The following CERK variants were observed in gnomAD, a reference collection of about 807,000 sequenced individuals.
CERK encodes the protein ceramide kinase, also known as acylsphingosine kinase.
A neutral mutation model predicts 63.4 loss-of-function variants in CERK; 39 were observed. The observed-to-expected ratio is 0.61, with a 90% CI of 0.48 to 0.80. CERK has a LOEUF of 0.80. Among genes scored for constraint, CERK ranks in the 30% least tolerant of loss-of-function variants. The probability of loss-of-function intolerance (pLI) is 0.00; values close to 1 mark genes in which losing one functional copy is unlikely to be tolerated. For missense variants in CERK, 670 were observed against 714.1 expected (o/e 0.94, Z 0.70); for synonymous variants, 302 against 280.0 (o/e 1.08, Z -0.78).
chr22:46,703,296 G>A (rs1452152497), intron 6 of CERK, among the ~76,000 whole-genome samples: 3 of 152,060 alleles, frequency 2.0e-5, no homozygotes, highest in South Asian at 2.1e-4. Context: ...AGCCATCCAC[G>A]GGAGGCAGCT....
chr22:46,713,862 T>C lies in CERK; in HGVS notation c.380-1569A>G, dbSNP rs193262358. ...AACTTAGGATTTTGGCCAGGCATAG[T>C]GGCTGACACCTGTAATCCCAACACT... On this transcript the variant is annotated intron_variant, in intron 3 of 12. Transcript: ENST00000216264. Among the ~76,000 whole-genome samples the C allele has an allele frequency of 3.2e-4, 48 of 152,280 alleles. No homozygotes were observed. The East Asian group carries it at 8.5e-3, about 27-fold the overall frequency.
At chr22:46,704,010 A>C (rs901777321) in intron 6 of CERK, among the ~76,000 whole-genome samples, 3 of 152,172 alleles carry the variant, frequency 2.0e-5, no homozygotes, top group African/African-American at 7.2e-5. Flanking sequence ...AGGGGCCACA[A>C]AGAGACCCTC....
intron 1 of CERK, among the ~76,000 whole-genome samples, chr22:46,721,807 C>T (rs970734451): frequency 1.3e-5 from 2 of 152,188 alleles, no homozygotes; most frequent in Admixed American, 1.3e-4. Flanking sequence ...ACAGGGGAGA[C>T]TTCCAGGGGC....
intron 3 of CERK, among the ~76,000 whole-genome samples, chr22:46,715,940 C>T (rs1243066330): frequency 6.6e-5 from 10 of 151,898 alleles, no homozygotes; most frequent in Non-Finnish European, 1.3e-4. Flanking sequence ...AATATCAATG[C>T]TTTGGGAGGC....
intron 8 of CERK, among the ~76,000 whole-genome samples, chr22:46,698,318 G>A (rs975613351): frequency 1.3e-5 from 2 of 152,260 alleles, no homozygotes; most frequent in African/African-American, 2.4e-5. Context: ...CGGCCGAGCC[G>A]CAGGAAGGCA....
At chr22:46,720,683 A>G (rs1177330260) in intron 2 of CERK, among the ~76,000 whole-genome samples, 1 of 152,212 alleles carries the variant, frequency 6.6e-6, no homozygotes, top group East Asian at 1.9e-4. Flanking sequence ...CAACAAGAGC[A>G]AAACTCTGTC....
intron 1 of CERK, among the ~76,000 whole-genome samples, chr22:46,725,842 A>T (rs1313970060): frequency 6.6e-6 from 1 of 152,202 alleles, no homozygotes; most frequent in Non-Finnish European, 1.5e-5. Context: ...AGTCTGGGTA[A>T]TGCCTGCTAG....
At chr22:46,707,788 A>G (rs2082820336) in intron 6 of CERK, 55 bp downstream of exon 6, 1 of 1,557,236 alleles carries the variant, frequency 6.4e-7, no homozygotes, top group South Asian at 1.2e-5. Context: ...CTTGTGCAGA[A>G]CAATTCCTAA....
At chr22:46,697,339 C>T (rs993700563) in intron 8 of CERK, among the ~76,000 whole-genome samples, 1 of 151,704 alleles carries the variant, frequency 6.6e-6, no homozygotes, top group African/African-American at 2.4e-5. Context: ...GTCTGGCTGT[C>T]GCTCCAGCTG....
At chr22:46,733,845 T>C (rs1349547092) in intron 1 of CERK, among the ~76,000 whole-genome samples, 1 of 151,114 alleles carries the variant, frequency 6.6e-6, no homozygotes, top group Non-Finnish European at 1.5e-5. Flanking sequence ...AGTTCGAGAC[T>C]AGCCTGGCCA....
At chr22:46,727,834 C>G (rs908698363) in intron 1 of CERK, among the ~76,000 whole-genome samples, 27 of 151,870 alleles carry the variant, frequency 1.8e-4, no homozygotes, top group African/African-American at 5.1e-4. Flanking sequence ...CCCAGCCACC[C>G]CCCCCGGCCC....
intron 3 of CERK, 130 bp from the exon 4 acceptor site, chr22:46,712,423 A>G: frequency 1.3e-6 from 1 of 797,606 alleles, no homozygotes; most frequent in Non-Finnish European, 2.0e-6. Context: ...AAGTATTTTT[A>G]AATCTTAAAG....
intron 1 of CERK, among the ~76,000 whole-genome samples, chr22:46,721,226 G>T (rs2082890709): frequency 6.6e-6 from 1 of 152,122 alleles, no homozygotes; most frequent in Non-Finnish European, 1.5e-5. Context: ...GGCTATGATG[G>T]TGACACTGCA....
In CERK at chr22:46,691,012, C is replaced by T. The variant is rs1287450539; in HGVS notation, c.1332+560G>A. 4.7e-5 allele frequency among the ~76,000 whole-genome samples: 7 copies of T among 149,900 alleles called. No individual in the cohort carries two copies. The South Asian group carries it at 1.5e-3, about 32-fold the overall frequency. On this transcript the variant is annotated intron_variant, in intron 11 of 12. Coordinates refer to ENST00000216264, the MANE Select transcript of CERK (RefSeq NM_022766.6). ...ATATGTATGTATGTGTATGTATATA[C>T]ACATATATGTATATATACACATACA...
chr22:46,726,620 G>C (rs1230662991), intron 1 of CERK, among the ~76,000 whole-genome samples: 1 of 152,214 alleles, frequency 6.6e-6, no homozygotes, highest in African/African-American at 2.4e-5. Context: ...CAGTAAACAT[G>C]AGCTGTGTGA....
At chr22:46,721,515 C>T (rs763495597) in intron 1 of CERK, among the ~76,000 whole-genome samples, 8 of 152,062 alleles carry the variant, frequency 5.3e-5, no homozygotes, top group East Asian at 3.9e-4. Flanking sequence ...TGTTACCAGA[C>T]GGCGGGATGT....
chr22:46,695,635 T>G (rs2082752433), intron 8 of CERK, among the ~76,000 whole-genome samples: 1 of 152,244 alleles, frequency 6.6e-6, no homozygotes, highest in African/African-American at 2.4e-5. Flanking sequence ...ATAGCCTCGA[T>G]GATGTGGCCT....
Position 46,690,129 on chromosome 22 carries a change from C to A in CERK, c.1404G>T (p.Glu468Asp). Residue 468 changes from glutamate (E) to aspartate (D), a missense_variant, in exon 12 of 13, where the codon GAG becomes GAT. Glu to Asp is a conservative substitution (Grantham distance 45). Coordinates refer to ENST00000216264, the MANE Select transcript of CERK (RefSeq NM_022766.6). The stretch of plus-strand genomic sequence containing the variant: ...TCCCCCCCTCCTTGAGGTCGCTGTC[C>A]TCATCCTCCATGTGCTTCGACGTAA... ...FQFTSKHMEDEDSDLKEGGKK... is the reference protein window; with the variant it reads ...FQFTSKHMEDDDSDLKEGGKK... The A allele has an allele frequency of 6.2e-7, 1 of 1,614,090 alleles. No homozygotes were observed. The highest frequency in any genetic ancestry group is 1.3e-5 in the African/African-American group (1 of 75,026).
At chr22:46,717,190 C>T (rs1260672570) in intron 3 of CERK, among the ~76,000 whole-genome samples, 3 of 152,204 alleles carry the variant, frequency 2.0e-5, no homozygotes, top group African/African-American at 4.8e-5. Context: ...CCAGAACTCC[C>T]GAACCCTGAG....
Sources: allele counts gnomAD v4.1 joint callset (sites outside exome capture counted in the v4.1 genomes callset), GRCh38; gene constraint gnomAD v4.1.1; transcripts MANE v1.5; gene names NCBI Gene and HGNC (gene_info 2026-07-23, HGNC 2026-07-21).